Variants in GLI3 observed in about 807,000 individuals in gnomAD.
GLI3 encodes the protein transcription activator GLI3.
Under a neutral mutation model 100.8 loss-of-function variants are expected in GLI3, and 20 were observed. The ratio of observed to expected loss-of-function variants is 0.20; its 90% confidence interval spans 0.14 to 0.29. The LOEUF is 0.29. GLI3 is among the 10% of genes least tolerant of loss of function. The pLI is 1.00. For missense variants in GLI3, 2,040 were observed against 2,128.5 expected (o/e 0.96, Z 0.82); for synonymous variants, 938 against 860.5 (o/e 1.09, Z -1.58).
intron 10 of GLI3, among the ~76,000 whole-genome samples, chr7:42,017,179 T>C (rs62441528): frequency 0.14 from 20,818 of 152,232 alleles, 1,977 homozygotes; most frequent in East Asian, 0.37. Context: ...AAATGAGGTA[T>C]GCAGCCCAGC....
chr7:42,071,092 T>C (rs1329600777), intron 4 of GLI3, among the ~76,000 whole-genome samples: 1 of 152,190 alleles, frequency 6.6e-6, no homozygotes, highest in Non-Finnish European at 1.5e-5. Context: ...TTAAAAATAA[T>C]ATTTATTTAG....
chr7:41,970,191 G>C (rs1787328337), intron 13 of GLI3, among the ~76,000 whole-genome samples: 1 of 152,088 alleles, frequency 6.6e-6, no homozygotes. Flanking sequence ...GTGAGAACAA[G>C]ACATTTAGGA....
chr7:42,190,639 T>C (rs1327768673), intron 2 of GLI3, among the ~76,000 whole-genome samples: 1 of 152,146 alleles, frequency 6.6e-6, no homozygotes, highest in African/African-American at 2.4e-5. Context: ...TTGTGAAAAC[T>C]TTTCTAGATT....
chr7:41,994,350 C>G (rs1351537775), intron 10 of GLI3, among the ~76,000 whole-genome samples: 1 of 152,180 alleles, frequency 6.6e-6, no homozygotes, highest in African/African-American at 2.4e-5. Flanking sequence ...TTGTGGAAAT[C>G]TCATTCACGG....
rs1185274818 is a variant in GLI3 at position 42,170,397 on chromosome 7, C to CTTT, written c.125-21932_125-21930dup. ...CAGTTCTTACAGAGAACTTACTGAT[C>CTTT]TTTTTTTTTTTTTTTTTTTTTTTGA... On this transcript the variant is annotated intron_variant, in intron 2 of 14. Coordinates refer to ENST00000395925, the MANE Select transcript of GLI3 (RefSeq NM_000168.6). Among the ~76,000 whole-genome samples the CTTT allele has an allele frequency of 4.4e-3, 355 of 81,094 alleles. 4 individuals carry two copies. Among genetic ancestry groups the CTTT allele is most frequent in the Non-Finnish European group, 6.5e-3 (287 of 44,092 alleles). The allele number at this position is 81,094 out of a possible 152,430, so 53.2% of individuals were successfully genotyped here. A position where few individuals can be genotyped will look rare whatever the true frequency, so the allele number is the denominator to read the frequency against.
At chr7:42,020,734 C>CA (rs1427331604) in intron 10 of GLI3, among the ~76,000 whole-genome samples, 2 of 151,836 alleles carry the variant, frequency 1.3e-5, no homozygotes, top group African/African-American at 4.8e-5. Context: ...ACTAAAAATA[C>CA]AAAAAATTAG....
At chr7:42,113,573 G>T (rs1426754920) in intron 3 of GLI3, 3 of 1,068,864 alleles carry the variant, frequency 2.8e-6, no homozygotes, top group East Asian at 4.8e-5. Context: ...AAATGGAGTT[G>T]CCAAAAAAGA....
intron 3 of GLI3, among the ~76,000 whole-genome samples, chr7:42,097,508 C>T (rs1461741734): frequency 1.3e-5 from 2 of 152,162 alleles, no homozygotes; most frequent in Non-Finnish European, 2.9e-5. Flanking sequence ...CCCGGGAGCC[C>T]CCCTTCCCCT....
intron 4 of GLI3, among the ~76,000 whole-genome samples, chr7:42,072,905 G>C (rs1361069802): frequency 2.0e-5 from 3 of 152,158 alleles, no homozygotes; most frequent in Non-Finnish European, 4.4e-5. Context: ...CAAAGGATTT[G>C]AGAGAGAGGG....
In GLI3 at chr7:42,255,075, T is replaced by TC. The variant is rs755534311; in HGVS notation, c.-43+8918_-43+8919insG. The stretch of plus-strand genomic sequence containing the variant: ...TCTTACATCTTTTTTTTTCTGTTTC[T>TC]GTTTTTTTTTTTGCATCTTTGTGCA... On this transcript the variant is annotated intron_variant, in intron 1 of 2. Coordinates refer to the GLI3 transcript ENST00000678978. 9.4e-3 allele frequency among the ~76,000 whole-genome samples: 1,393 copies of TC among 147,676 alleles called. 11 individuals carry two copies. Among genetic ancestry groups the TC allele is most frequent in the Non-Finnish European group, 0.013 (864 of 66,714 alleles).
At chr7:42,038,770 A>T (rs1215473691) in intron 7 of GLI3, among the ~76,000 whole-genome samples, 2 of 152,260 alleles carry the variant, frequency 1.3e-5, no homozygotes, top group African/African-American at 4.8e-5. Context: ...TAATTGAACA[A>T]GAATTAAAAC....
intron 3 of GLI3, among the ~76,000 whole-genome samples, chr7:42,144,412 C>T (rs944267332): frequency 2.0e-5 from 3 of 152,178 alleles, no homozygotes; most frequent in Non-Finnish European, 2.9e-5. Flanking sequence ...TCTACTTTTG[C>T]GCCTTGATAT....
chr7:42,233,947 T>C (rs529461511), intron 1 of GLI3, among the ~76,000 whole-genome samples: 3 of 152,242 alleles, frequency 2.0e-5, no homozygotes, highest in East Asian at 1.9e-4. Context: ...ATGATATAAG[T>C]TGGCAGAAAA....
intron 2 of GLI3, among the ~76,000 whole-genome samples, chr7:42,189,262 GA>G (rs1451021347): frequency 2.0e-5 from 3 of 152,102 alleles, no homozygotes; most frequent in Non-Finnish European, 4.4e-5. Context: ...GTTTAGAAAA[GA>G]ACAAACTTAG....
chr7:41,965,917 G>A lies in GLI3; in HGVS notation c.3156C>T (p.Pro1052=), dbSNP rs751762653. 35 of 1,613,434 alleles carry A rather than the reference G, an allele frequency of 2.2e-5. No individual in the cohort carries two copies. Among genetic ancestry groups the A allele is most frequent in the Non-Finnish European group, 2.9e-5 (34 of 1,179,930 alleles). The change falls in exon 15 of 15, where the codon CCC becomes CCT. Residue 1052 remains proline, a synonymous_variant. Transcript: ENST00000395925. ...RSLVLQNYTR[P]EGGQSRNFHS... is the part of the protein sequence containing the mutation. The stretch of plus-strand genomic sequence containing the variant: ...GGAAGTTTCGGGACTGGCCGCCCTC[G>A]GGCCGCGTGTAATTCTGAAGCACGA...
chr7:42,095,687 G>A (rs1306141346), intron 3 of GLI3, among the ~76,000 whole-genome samples: 1 of 152,182 alleles, frequency 6.6e-6, no homozygotes, highest in African/African-American at 2.4e-5. Context: ...GGAAGCAGGA[G>A]AGGACACAAG....
At chr7:41,995,276 C>T (rs1788093935) in intron 10 of GLI3, among the ~76,000 whole-genome samples, 1 of 152,178 alleles carries the variant, frequency 6.6e-6, no homozygotes, top group Admixed American at 6.5e-5. Flanking sequence ...GTGAATCCAT[C>T]CGTCATAGAT....
Position 41,966,301 on chromosome 7 carries a change from G to C in GLI3, c.2772C>G (p.Ala924=), listed in dbSNP as rs774381393. 1.6e-5 allele frequency: 26 copies of C among 1,607,856 alleles called. No individual in the cohort carries two copies. In the Admixed American group the frequency reaches 3.8e-4, roughly 24 times the overall value. Reference sequence around the variant, plus strand: ...ACTTGGCCTTGAGGCGGTACTGCTGGGCGGGCGTGAGGCTGAGCAGGCTGG... The same window carrying C: ...ACTTGGCCTTGAGGCGGTACTGCTGCGCGGGCGTGAGGCTGAGCAGGCTGG... The part of the protein sequence containing the change: ...GLPSLLSLTP[A]QQYRLKAKYA... The change falls in exon 15 of 15, where the codon GCC becomes GCG. Residue 924 remains alanine, a synonymous_variant. Coordinates refer to ENST00000395925, the MANE Select transcript of GLI3 (RefSeq NM_000168.6). The surrounding 1 kb of genome is among the most constrained non-coding windows in gnomAD (Gnocchi z 5.8).
At chr7:42,237,901 C>G (rs1042192920), upstream of GLI3, 2 of 148,076 alleles carry the variant, frequency 1.4e-5, no homozygotes, top group African/African-American at 4.9e-5. Flanking sequence ...TGGGAGGCGG[C>G]GCGTCGCGGG....
Sources: gnomAD v4.1 joint callset for allele counts (sites outside exome capture counted in the v4.1 genomes callset) on GRCh38, gnomAD v4.1.1 for gene constraint, Gnocchi (gnomAD v3.1) non-coding constraint, MANE v1.5 for transcripts, NCBI Gene and HGNC (gene_info 2026-07-23, HGNC 2026-07-21) for gene names.